CKAP2L: variants seen among roughly 807,000 people sequenced by gnomAD.
The protein encoded by CKAP2L is cytoskeleton-associated protein 2-like.
A neutral mutation model predicts 65.7 loss-of-function variants in CKAP2L; 42 were observed. The ratio of observed to expected loss-of-function variants is 0.64; its 90% confidence interval spans 0.50 to 0.83. The LOEUF (loss-of-function observed/expected upper bound fraction) is 0.83, where lower values mean the gene tolerates loss of function less well. Among genes scored for constraint, CKAP2L ranks in the 40% least tolerant of loss-of-function variants. CKAP2L has a pLI of 0.00. For missense variants in CKAP2L, 908 were observed against 871.0 expected, an observed-to-expected ratio of 1.04 and a Z score of -0.53; for synonymous variants, 325 against 313.5, an observed-to-expected ratio of 1.04 and a Z score of -0.39.
chr2:112,750,577 G>A (rs1436624685), intron 5 of CKAP2L, among the ~76,000 whole-genome samples: 1 of 152,172 alleles, frequency 6.6e-6, no homozygotes, highest in Non-Finnish European at 1.5e-5. Flanking sequence ...TTTCCCTGGA[G>A]TGTCTTCCTA....
intron 1 of CKAP2L, among the ~76,000 whole-genome samples, 176 bp downstream of exon 1, chr2:112,764,386 G>C (rs1235346552): frequency 6.6e-6 from 1 of 152,192 alleles, no homozygotes; most frequent in African/African-American, 2.4e-5. Flanking sequence ...CCCCGCCCAG[G>C]ACCCAGACGT....
In CKAP2L at chr2:112,738,966, G is replaced by A. The variant is rs748904559; in HGVS notation, c.2095C>T (p.Arg699Cys). 1.1e-5 allele frequency: 17 copies of A among 1,613,970 alleles called. No homozygotes were observed. Among genetic ancestry groups the A allele is most frequent in the East Asian group, 2.2e-5 (1 of 44,902 alleles). Reference sequence around the variant, plus strand: ...TGTTCCTGCAGCATTTCTGGGTAGCGGGACACTGCTCGCTCAATCCTCGAC... The same window carrying A: ...TGTTCCTGCAGCATTTCTGGGTAGCAGGACACTGCTCGCTCAATCCTCGAC... ...RSSRIERAVS[R>C]YPEMLQEHDL... The change falls in exon 9 of 9, where the codon CGC becomes TGC. Residue 699 changes from arginine (R) to cysteine (C), a missense_variant. Coordinates refer to ENST00000302450, the MANE Select transcript of CKAP2L (RefSeq NM_152515.5).
At position 112,740,869 on chromosome 2, in the gene CKAP2L, G is replaced by A; in HGVS notation, c.1961C>T (p.Ala654Val). 6.2e-7 allele frequency: 1 copy of A among 1,614,098 alleles called. No homozygotes were observed. The highest frequency in any genetic ancestry group is 1.1e-5 in the South Asian group (1 of 91,074). The change falls in exon 8 of 9, where the codon GCA becomes GTA. Residue 654 changes from alanine to valine, a missense_variant. Transcript: ENST00000302450. The part of the protein sequence containing the change: ...QVTATPRIAK[A>V]EQHNYPGIKL... The stretch of plus-strand genomic sequence containing the variant: ...GATACCAGGATAATTATGCTGTTCT[G>A]CCTTGGCTATTCGGGGTGTCGCCGT...
chr2:112,736,910 CT>C lies in CKAP2L; in HGVS notation c.*1912del, dbSNP rs1220818727. The C allele has an allele frequency of 6.6e-6, 1 of 151,928 alleles. No homozygotes were observed. The highest frequency in any genetic ancestry group is 1.5e-5 in the Non-Finnish European group (1 of 68,026). 9.4% of individuals were successfully genotyped at this position (151,928 alleles called of 1,614,324 possible). ...GCCACAAACATGTGAGTGCAGATAT[CT>C]TTATGAGGTGATGATTTCATCTTTT... is the stretch of plus-strand genomic sequence containing the variant. On this transcript the variant is annotated 3_prime_UTR_variant, in exon 9 of 9. Transcript: ENST00000302450.
chr2:112,752,499 G>C (rs1411339909), intron 4 of CKAP2L, 25 bp from the exon 5 acceptor site: 9 of 1,447,346 alleles, frequency 6.2e-6, no homozygotes, highest in Non-Finnish European at 8.6e-6. Flanking sequence ...AAGGGAGAGT[G>C]GTTTTATTTA....
At chr2:112,750,887 T>TA (rs1680353644) in intron 5 of CKAP2L, among the ~76,000 whole-genome samples, 2 of 151,528 alleles carry the variant, frequency 1.3e-5, no homozygotes, top group South Asian at 4.1e-4. Flanking sequence ...GATGCAGACA[T>TA]TGATGCAAGA....
chr2:112,763,996 G>T (rs1266571684), intron 1 of CKAP2L: 2 of 154,698 alleles, frequency 1.3e-5, no homozygotes, highest in Admixed American at 1.3e-4. Context: ...CATCTGAGCA[G>T]GAGTATTTTG....
At chr2:112,754,104 T>C (rs1245188351) in intron 4 of CKAP2L, among the ~76,000 whole-genome samples, 1 of 152,182 alleles carries the variant, frequency 6.6e-6, no homozygotes, top group Non-Finnish European at 1.5e-5. Context: ...TTTTGACAAA[T>C]GCATCAAGTC....
chr2:112,744,944 T>C (rs1050884534), intron 6 of CKAP2L, among the ~76,000 whole-genome samples: 1 of 151,342 alleles, frequency 6.6e-6, no homozygotes. Context: ...AAACAAACAA[T>C]AACAAGAGAG....
rs779233001 is a variant in CKAP2L, at chr2:112,756,688, C to A, written c.683G>T (p.Gly228Val). 44 of 1,593,032 alleles carry A rather than the reference C, an allele frequency of 2.8e-5. No homozygotes were observed. The highest frequency in any genetic ancestry group is 3.8e-5 in the Non-Finnish European group (44 of 1,172,494). The part of the protein sequence containing the change: ...KNSLVPKQAL[G>V]KSSVNSAVLK... ...AACAGCACTATTAACTGAACTTTTG[C>A]CCAAGGCTTGTTTAGGAACTAAACT... Residue 228 changes from glycine (G) to valine (V), a missense_variant, in exon 4 of 9, where the codon GGC (glycine) becomes GTC (valine). Transcript: ENST00000302450.
In CKAP2L at chr2:112,740,825, T is replaced by C. The variant is rs142300577; in HGVS notation, c.2005A>G (p.Ile669Val). The change falls in exon 8 of 9, where the codon ATC (isoleucine) becomes GTC (valine). Residue 669 changes from isoleucine to valine, a missense_variant. Ile to Val is a conservative substitution (Grantham distance 29, BLOSUM62 3). Coordinates refer to ENST00000302450, the MANE Select transcript of CKAP2L (RefSeq NM_152515.5). ...YPGIKLQIGP[I>V]PRINGMPEVQ... Reference sequence around the variant, plus strand: ...GCTTTAGAGTTTGCTTACCTAGGGATTGGACCAATCTGTAATTTGATACCA... The same window carrying C: ...GCTTTAGAGTTTGCTTACCTAGGGACTGGACCAATCTGTAATTTGATACCA... The C allele has an allele frequency of 3.0e-5, 49 of 1,608,992 alleles. No homozygotes were observed. Among genetic ancestry groups the C allele is most frequent in the Non-Finnish European group, 4.1e-5 (48 of 1,176,010 alleles).
At chr2:112,748,288 G>A (rs1055655497) in intron 5 of CKAP2L, among the ~76,000 whole-genome samples, 2 of 152,112 alleles carry the variant, frequency 1.3e-5, no homozygotes, top group African/African-American at 4.8e-5. Context: ...CAGAGAGGGG[G>A]AAGAAAAGGA....
chr2:112,739,175 T>C (rs963979461), intron 8 of CKAP2L, 127 bp from the exon 9 acceptor site: 2 of 731,562 alleles, frequency 2.7e-6, no homozygotes, highest in Admixed American at 5.7e-5. Context: ...AAGAGATATG[T>C]CTAGAGCAGC....
chr2:112,761,331 C>A (rs978328787), intron 2 of CKAP2L, among the ~76,000 whole-genome samples: 2 of 151,812 alleles, frequency 1.3e-5, no homozygotes, highest in Non-Finnish European at 2.9e-5. Flanking sequence ...CATGGTGGCA[C>A]ATGCCTGTTG....
At chr2:112,748,697 C>T (rs750579787) in intron 5 of CKAP2L, among the ~76,000 whole-genome samples, 2 of 151,756 alleles carry the variant, frequency 1.3e-5, no homozygotes, top group Admixed American at 6.6e-5. Context: ...CCTGTGTCTA[C>T]AAAAAAATGT....
At chr2:112,750,992 A>C (rs910150542) in intron 5 of CKAP2L, among the ~76,000 whole-genome samples, 7 of 152,138 alleles carry the variant, frequency 4.6e-5, no homozygotes, top group African/African-American at 1.7e-4. Flanking sequence ...AAGATTGAGA[A>C]AAAATCCCTT....
At chr2:112,761,578 A>G (rs1243215042) in intron 2 of CKAP2L, among the ~76,000 whole-genome samples, 1 of 152,090 alleles carries the variant, frequency 6.6e-6, no homozygotes. Flanking sequence ...ACACACATGA[A>G]ATATAGCTAG....
chr2:112,757,502 A>G (rs1469849490), intron 3 of CKAP2L, among the ~76,000 whole-genome samples: 1 of 145,334 alleles, frequency 6.9e-6, no homozygotes, highest in African/African-American at 2.6e-5. Flanking sequence ...CAATTCTCCC[A>G]CCCCAACCTC....
At chr2:112,761,727 G>T (rs2104892532) in intron 2 of CKAP2L, among the ~76,000 whole-genome samples, 1 of 152,264 alleles carries the variant, frequency 6.6e-6, no homozygotes, top group East Asian at 1.9e-4. Context: ...CCCATCTACA[G>T]CATAAGCCCT....
Sources: gnomAD v4.1 joint callset for allele counts (sites outside exome capture counted in the v4.1 genomes callset) on GRCh38, gnomAD v4.1.1 for gene constraint, MANE v1.5 for transcripts, NCBI Gene and HGNC (gene_info 2026-07-23, HGNC 2026-07-21) for gene names.